Variants in PALM3 observed in about 807,000 individuals in gnomAD.
PALM3 encodes the protein paralemmin-3.
A neutral mutation model predicts 27.9 loss-of-function variants in PALM3; 20 were observed. The observed-to-expected ratio is 0.72, with a 90% CI of 0.50 to 1.04. PALM3 has a LOEUF of 1.04. PALM3 is among the 50% of genes least tolerant of loss of function. The pLI, the probability that PALM3 is intolerant of heterozygous loss-of-function variation, is 0.00. For missense variants in PALM3, 814 were observed against 869.4 expected, an observed-to-expected ratio of 0.94 and a Z score of 0.80; for synonymous variants, 328 against 352.7, an observed-to-expected ratio of 0.93 and a Z score of 0.79.
Position 14,054,627 on chromosome 19 carries a change from A to C in PALM3, c.1045T>G (p.Ser349Ala), listed in dbSNP as rs981333216. ...GSPEGDGQGG[S>A]GGEEGSFIWV... ...ATGAAGGATCCCTCCTCTCCTCCAG[A>C]GCCTCCCTGCCCATCACCCTCAGGG... The change falls in exon 7 of 7, where the codon TCT (serine) becomes GCT (alanine). Residue 349 changes from serine to alanine, a missense_variant. Coordinates refer to ENST00000669674, the MANE Select transcript of PALM3 (RefSeq NM_001145028.2). 4.6e-5 allele frequency: 72 copies of C among 1,551,230 alleles called. 1 individual carries two copies. In the East Asian group the frequency reaches 1.7e-3, roughly 36 times the overall value.
intron 1 of PALM3, among the ~76,000 whole-genome samples, chr19:14,059,611 A>G (rs10425874): frequency 0.51 from 77,355 of 151,902 alleles, 21,379 homozygotes; most frequent in African/African-American, 0.73. Context: ...TCTCCAGTCC[A>G]ACCTGCAGAA....
rs1163605308 is a variant in PALM3 at position 14,053,713 on chromosome 19, AGGGTGGGCACTG to A, written c.1947_1958del (p.Ser650_Pro653del). ...GCCGGGCAGGCGCGTAGGTGGGCAC[AGGGTGGGCACTG>A]GGGTTGGCGCTGGGCCCCTCCCCCT... On this transcript the variant is annotated inframe_deletion, in exon 7 of 7. Transcript: ENST00000669674. The A allele has an allele frequency of 1.3e-6, 2 of 1,515,046 alleles. No homozygotes were observed. Among genetic ancestry groups the A allele is most frequent in the Non-Finnish European group, 1.8e-6 (2 of 1,131,232 alleles). The allele number at this position is 1,515,046 out of a possible 1,614,324, so 93.9% of individuals were successfully genotyped here.
At chr19:14,060,617 A>G (rs1976397410) in intron 1 of PALM3, among the ~76,000 whole-genome samples, 1 of 152,080 alleles carries the variant, frequency 6.6e-6, no homozygotes, top group Non-Finnish European at 1.5e-5. Context: ...TGGAGCCAAG[A>G]TCAGAACTTG....
chr19:14,056,910 C>A, intron 3 of PALM3, 106 bp from the exon 4 acceptor site: 2 of 1,169,858 alleles, frequency 1.7e-6, no homozygotes, highest in Middle Eastern at 2.9e-4. Flanking sequence ...CACCACCTCA[C>A]AACCAGTTGC....
chr19:14,061,343 C>T (rs1408482729), intron 1 of PALM3, among the ~76,000 whole-genome samples: 1 of 152,104 alleles, frequency 6.6e-6, no homozygotes, highest in Non-Finnish European at 1.5e-5. Context: ...CCTCTGAAGC[C>T]CCCTCTACCC....
chr19:14,057,539 G>GA, intron 2 of PALM3, 108 bp from the exon 3 acceptor site: 2 of 934,772 alleles, frequency 2.1e-6, no homozygotes, highest in Non-Finnish European at 3.0e-6. Flanking sequence ...GAGCTCCCGG[G>GA]GCTCCCGAGG....
At chr19:14,056,874 C>T in intron 3 of PALM3, 70 bp from the exon 4 acceptor site, 1 of 1,441,314 alleles carries the variant, frequency 6.9e-7, no homozygotes, top group Non-Finnish European at 9.2e-7. Context: ...CCCTCCCGAC[C>T]TCTGCAGGCT....
At chr19:14,057,228 C>T (rs1475418124) in intron 3 of PALM3, 123 bp downstream of exon 3, 8 of 638,872 alleles carry the variant, frequency 1.3e-5, no homozygotes, top group East Asian at 3.7e-5. Flanking sequence ...GGAACCAACG[C>T]CCCCAACTGC....
At chr19:14,061,367 A>G (rs974932250) in intron 1 of PALM3, among the ~76,000 whole-genome samples, 3 of 152,148 alleles carry the variant, frequency 2.0e-5, no homozygotes, top group Admixed American at 6.6e-5. Flanking sequence ...TAACCTTAAA[A>G]AACTCTCACC....
At position 14,054,927 on chromosome 19, in the gene PALM3, C is replaced by T; in HGVS notation, c.745G>A (p.Gly249Arg). The T allele has an allele frequency of 1.3e-6, 2 of 1,549,486 alleles. No individual in the cohort carries two copies. The highest frequency in any genetic ancestry group is 1.7e-6 in the Non-Finnish European group (2 of 1,146,970). The change falls in exon 7 of 7, where the codon GGG becomes AGG. Residue 249 changes from glycine (G) to arginine (R), a missense_variant. Coordinates refer to ENST00000669674, the MANE Select transcript of PALM3 (RefSeq NM_001145028.2). ...GLRATEDCATGATGPELEAKV... is the reference protein window; with the variant it reads ...GLRATEDCATRATGPELEAKV... ...GCCTCCAGCTCGGGGCCCGTGGCCC[C>T]TGTGGCACAGTCCTCTGTGGCCCTC...
rs564118547 is a variant in PALM3 at position 14,055,175 on chromosome 19, G to A, written c.497C>T (p.Thr166Met). 5.4e-5 allele frequency: 84 copies of A among 1,546,030 alleles called. No homozygotes were observed. Among genetic ancestry groups the A allele is most frequent in the African/African-American group, 9.7e-5 (7 of 72,336 alleles). ...RASLPAGLVG[T>M]PPESPSEPRE... ...GGGCTCAGAGGGGGACTCTGGAGGC[G>A]TGCCCACTAGTCCAGCCGGCAGGGA... The change falls in exon 7 of 7, where the codon ACG (threonine) becomes ATG (methionine). Residue 166 changes from threonine to methionine, a missense_variant. Transcript: ENST00000669674.
chr19:14,054,110 G>T lies in PALM3; in HGVS notation c.1562C>A (p.Ala521Glu). 6.4e-7 allele frequency: 1 copy of T among 1,551,016 alleles called. No individual in the cohort carries two copies. The highest frequency in any genetic ancestry group is 8.7e-7 in the Non-Finnish European group (1 of 1,146,840). Reference sequence around the variant, plus strand: ...TGTCTCCTCCCCTCCCTTTCTCTCTGCCTCCAGTGGTTCTTTGGTTGCCTC... The same window carrying T: ...TGTCTCCTCCCCTCCCTTTCTCTCTTCCTCCAGTGGTTCTTTGGTTGCCTC... Reference protein sequence around the residue: ...EPEATKEPLEAERKGGEETLE... With the variant: ...EPEATKEPLEEERKGGEETLE... The change falls in exon 7 of 7, where the codon GCA becomes GAA. Residue 521 changes from alanine to glutamate, a missense_variant. Ala to Glu is a moderately radical substitution (Grantham distance 107, BLOSUM62 -1). Coordinates refer to ENST00000669674, the MANE Select transcript of PALM3 (RefSeq NM_001145028.2).
rs1223287150 is a variant in PALM3 at position 14,054,152 on chromosome 19, CCTTT to C, written c.1516_1519del (p.Lys506GlufsTer47). 4.5e-6 allele frequency: 7 copies of C among 1,551,740 alleles called. No individual in the cohort carries two copies. The Admixed American group carries it at 1.4e-4, about 30-fold the overall frequency. ...GGTTGCCTCTGGCTCTTCCTCACCT[CCTTT>C]CTTCTCTACTCCCAATGGTTCTTCT... On this transcript the variant is annotated frameshift_variant, in exon 7 of 7. Transcript: ENST00000669674. LOFTEE classifies it low-confidence loss of function (END_TRUNC).
rs1439086005 is a variant in PALM3 at position 14,053,922 on chromosome 19, T to C, written c.1750A>G (p.Arg584Gly). 6 of 1,551,668 alleles carry C rather than the reference T, an allele frequency of 3.9e-6. No homozygotes were observed. Among genetic ancestry groups the C allele is most frequent in the Non-Finnish European group, 4.4e-6 (5 of 1,146,940 alleles). The stretch of plus-strand genomic sequence containing the variant: ...GGCTGGGGTCCTTCCTTCTCTGGCC[T>C]TGTCTCCGTGTTAGCCTCAAGGGGA... ...GPPLEANTET[R>G]PEKEGPQPQE... is the part of the protein sequence containing the mutation. Residue 584 changes from arginine to glycine, a missense_variant, in exon 7 of 7, where the codon AGG becomes GGG. By Grantham distance (125) the Arg-to-Gly change is moderately radical. Transcript: ENST00000669674.
intron 5 of PALM3, 117 bp downstream of exon 5, chr19:14,056,312 G>A (rs1406560718): frequency 3.0e-5 from 31 of 1,024,860 alleles, no homozygotes; most frequent in Non-Finnish European, 4.1e-5. Flanking sequence ...AAGCGGATCT[G>A]AATGCAGACC....
chr19:14,053,414 A>T lies in PALM3; in HGVS notation c.*191T>A, dbSNP rs922409271. 3.8e-6 allele frequency: 2 copies of T among 527,946 alleles called. No individual in the cohort carries two copies. The highest frequency in any genetic ancestry group is 3.9e-5 in the African/African-American group (2 of 51,760). 32.7% of individuals were successfully genotyped at this position (527,946 alleles called of 1,614,324 possible). On this transcript the variant is annotated 3_prime_UTR_variant, in exon 7 of 7. Coordinates refer to ENST00000669674, the MANE Select transcript of PALM3 (RefSeq NM_001145028.2). ...TTCAAGTATAAAGGCTTCATCGCAG[A>T]AGGAGGCCAGGGTTACAGGCAGTGG...
chr19:14,055,515 A>G, intron 5 of PALM3, 90 bp from the exon 6 acceptor site: 1 of 1,293,698 alleles, frequency 7.7e-7, no homozygotes, highest in Non-Finnish European at 1.1e-6. Flanking sequence ...CCACCCCTAA[A>G]TACCCTCAGT....
At position 14,054,694 on chromosome 19, in the gene PALM3, C is replaced by T. The variant is rs1976265392; in HGVS notation, c.978G>A (p.Glu326=). 2.6e-6 allele frequency: 4 copies of T among 1,551,518 alleles called. No individual in the cohort carries two copies. The South Asian group carries it at 4.8e-5, about 18-fold the overall frequency. Residue 326 remains glutamate (E), a synonymous_variant, in exon 7 of 7, where the codon GAG becomes GAA. Coordinates refer to ENST00000669674, the MANE Select transcript of PALM3 (RefSeq NM_001145028.2). ...CTTCCCCTTCTATGGAAGCTGCTGCCTCTAATCTCTCCTGGAGCCTAGGCG... is the reference window on the plus strand; with the variant it reads ...CTTCCCCTTCTATGGAAGCTGCTGCTTCTAATCTCTCCTGGAGCCTAGGCG... ...TSSPRLQERL[E]AAASIEGEDV... is the part of the protein sequence containing the mutation.
rs1306987906 is a variant in PALM3, at chr19:14,055,038, C to G, written c.634G>C (p.Gly212Arg). ...GATGGCACTGCCCTCTGACTTAGCC[C>G]CTGCTCTGGAGTGGGGATGGGGCTG... is the stretch of plus-strand genomic sequence containing the variant. Reference protein sequence around the residue: ...CPSPIPTPEQGLSQRAVPSEG... With the variant: ...CPSPIPTPEQRLSQRAVPSEG... The change falls in exon 7 of 7, where the codon GGG becomes CGG. Residue 212 changes from glycine (G) to arginine (R), a missense_variant. Coordinates refer to ENST00000669674, the MANE Select transcript of PALM3 (RefSeq NM_001145028.2). 3 of 1,550,938 alleles carry G rather than the reference C, an allele frequency of 1.9e-6. No homozygotes were observed. In the South Asian group the frequency reaches 3.6e-5, roughly 18 times the overall value.
Sources: gnomAD v4.1 joint callset for allele counts (sites outside exome capture counted in the v4.1 genomes callset) on GRCh38, gnomAD v4.1.1 for gene constraint, MANE v1.5 for transcripts, NCBI Gene and HGNC (gene_info 2026-07-23, HGNC 2026-07-21) for gene names.